MGAT4C: variants seen among roughly 807,000 people sequenced by gnomAD.
MGAT4C encodes the protein alpha-1,3-mannosyl-glycoprotein 4-beta-N-acetylglucosaminyltransferase C.
In MGAT4C, 19 loss-of-function variants were observed where a neutral mutation model predicts 40.1. The observed-to-expected ratio is 0.47, with a 90% CI of 0.33 to 0.70. The LOEUF (loss-of-function observed/expected upper bound fraction) is 0.70, where lower values mean the gene tolerates loss of function less well. MGAT4C is among the 30% of genes least tolerant of loss of function. The pLI is 0.02. For missense variants in MGAT4C, 491 were observed against 563.2 expected, an observed-to-expected ratio of 0.87 and a Z score of 1.30; for synonymous variants, 181 against 187.1, an observed-to-expected ratio of 0.97 and a Z score of 0.27.
At chr12:86,158,779 A>G (rs913193369) in intron 1 of MGAT4C, among the ~76,000 whole-genome samples, 1 of 152,186 alleles carries the variant, frequency 6.6e-6, no homozygotes, top group Admixed American at 6.5e-5. Flanking sequence ...ATTCCTAGAT[A>G]TCTGATCTGC....
chr12:85,962,420 AATT>A lies in MGAT4C; in HGVS notation c.*16866_*16868del, dbSNP rs1883160525. 1 of 147,870 alleles carries A rather than the reference AATT, an allele frequency of 6.8e-6. No individual in the cohort carries two copies. The highest frequency in any genetic ancestry group is 2.4e-5 in the African/African-American group (1 of 40,848). The allele number at this position is 147,870 out of a possible 1,614,324, so 9.2% of individuals were successfully genotyped here. On this transcript the variant is annotated 3_prime_UTR_variant, in exon 5 of 5. Coordinates refer to ENST00000611864, the MANE Select transcript of MGAT4C (RefSeq NM_001351288.2). ...TATATAATTAATTATATAATTATAT[AATT>A]ATATAAAATTTTATAATTAATTATA...
intron 1 of MGAT4C, among the ~76,000 whole-genome samples, chr12:86,151,252 C>T (rs530860872): frequency 4.1e-4 from 63 of 152,166 alleles, no homozygotes; most frequent in African/African-American, 1.5e-3. Context: ...CTGAGTTAAC[C>T]TTTTTCTGCC....
chr12:86,409,538 C>A (rs1302787125), intron 3 of MGAT4C, among the ~76,000 whole-genome samples: 1 of 152,132 alleles, frequency 6.6e-6, no homozygotes, highest in Non-Finnish European at 1.5e-5. Flanking sequence ...CAAAAGACAT[C>A]ACAACCTTAC....
At chr12:86,143,721 G>T (rs1883160684) in intron 1 of MGAT4C, among the ~76,000 whole-genome samples, 1 of 152,084 alleles carries the variant, frequency 6.6e-6, no homozygotes. Context: ...ACAGATACTT[G>T]AAAACTTGAG....
chr12:86,406,111 C>T (rs2136240668), intron 3 of MGAT4C, among the ~76,000 whole-genome samples: 1 of 146,960 alleles, frequency 6.8e-6, no homozygotes, highest in South Asian at 2.1e-4. Flanking sequence ...ACCTAGTAAA[C>T]AAAAATTAAC....
At chr12:86,538,708 T>C (rs1959118053) in intron 2 of MGAT4C, among the ~76,000 whole-genome samples, 2 of 151,046 alleles carry the variant, frequency 1.3e-5, no homozygotes, top group Admixed American at 6.6e-5. Context: ...CCCAGGTTCA[T>C]GCCATTCTCC....
chr12:86,292,313 T>C (rs1029419887), intron 4 of MGAT4C, among the ~76,000 whole-genome samples: 1 of 151,930 alleles, frequency 6.6e-6, no homozygotes, highest in South Asian at 2.1e-4. Flanking sequence ...ATATTTTAGA[T>C]ATATAGATAT....
rs143449252 is a variant in MGAT4C, at chr12:85,980,060, C to T, written c.666G>A (p.Met222Ile). 6.2e-7 allele frequency: 1 copy of T among 1,613,692 alleles called. No individual in the cohort carries two copies. Among genetic ancestry groups the T allele is most frequent in the Non-Finnish European group, 8.5e-7 (1 of 1,179,850 alleles). Residue 222 changes from methionine (M) to isoleucine (I), a missense_variant, in exon 5 of 5, where the codon ATG (methionine) becomes ATA (isoleucine). Coordinates refer to ENST00000611864, the MANE Select transcript of MGAT4C (RefSeq NM_001351288.2). ...FCANTSDYYV[M>I]LEDDVRCSKN... ...TTGAACATCGAACATCATCTTCAAGCATTACATAATAGTCTGAAGTATTGG... is the reference window on the plus strand; with the variant it reads ...TTGAACATCGAACATCATCTTCAAGTATTACATAATAGTCTGAAGTATTGG...
chr12:86,529,729 T>C (rs1395660755), intron 2 of MGAT4C, among the ~76,000 whole-genome samples: 1 of 151,996 alleles, frequency 6.6e-6, no homozygotes, highest in Non-Finnish European at 1.5e-5. Context: ...CTACAGATTA[T>C]TATTATTTTT....
chr12:86,132,265 A>C (rs2135714059), intron 1 of MGAT4C, among the ~76,000 whole-genome samples: 1 of 152,328 alleles, frequency 6.6e-6, no homozygotes, highest in Non-Finnish European at 1.5e-5. Flanking sequence ...TATGTGACTT[A>C]TAACAGAATG....
rs371573706 is a variant in MGAT4C, at chr12:85,956,718, C to G, written c.*22571G>C. On this transcript the variant is annotated 3_prime_UTR_variant, in exon 5 of 5. Transcript: ENST00000611864. ...CATAATTAGTCAATAAATCATGAGCCCAAAGTCTATCCTCAACCAATCTAA... is the reference window on the plus strand; with the variant it reads ...CATAATTAGTCAATAAATCATGAGCGCAAAGTCTATCCTCAACCAATCTAA... 7.7e-4 allele frequency: 117 copies of G among 152,182 alleles called. No homozygotes were observed. The highest frequency in any genetic ancestry group is 2.6e-3 in the African/African-American group (108 of 41,534). 9.4% of individuals were successfully genotyped at this position (152,182 alleles called of 1,614,324 possible).
In MGAT4C at chr12:86,617,689, C is replaced by CA. The variant is rs372620970; in HGVS notation, c.-229+109519dup. ...GAAGACAGAGCTAGACTCCGTCTCA[C>CA]AAAAAAATAATTGAAAAAAAAAAAA... is the stretch of plus-strand genomic sequence containing the variant. On this transcript the variant is annotated intron_variant, in intron 2 of 7. Transcript: ENST00000548651. Among the ~76,000 whole-genome samples the CA allele has an allele frequency of 6.0e-3, 760 of 126,960 alleles. 5 individuals carry two copies. The highest frequency in any genetic ancestry group is 0.022 in the African/African-American group (728 of 32,742). The allele number at this position is 126,960 out of a possible 152,430, so 83.3% of individuals were successfully genotyped here.
At chr12:86,502,759 TCA>T (rs1958376340) in intron 2 of MGAT4C, among the ~76,000 whole-genome samples, 3 of 64,956 alleles carry the variant, frequency 4.6e-5, no homozygotes, top group Non-Finnish European at 7.2e-5. Context: ...CGAGTTCTGC[TCA>T]TATATATGTA....
At position 85,970,285 on chromosome 12, in the gene MGAT4C, T is replaced by G. The variant is rs1293363717; in HGVS notation, c.*9004A>C. The G allele has an allele frequency of 1.3e-5, 2 of 151,280 alleles. No individual in the cohort carries two copies. Among genetic ancestry groups the G allele is most frequent in the Admixed American group, 1.3e-4 (2 of 15,142 alleles). 9.4% of individuals were successfully genotyped at this position (151,280 alleles called of 1,614,324 possible). The stretch of plus-strand genomic sequence containing the variant: ...AATATTGAATTATTTATATTCTTAT[T>G]TAGTCTAGTAGATTGACAGGCAGTT... On this transcript the variant is annotated 3_prime_UTR_variant, in exon 5 of 5. Transcript: ENST00000611864.
chr12:86,183,605 A>T (rs1262158116), intron 1 of MGAT4C, among the ~76,000 whole-genome samples: 1 of 152,182 alleles, frequency 6.6e-6, no homozygotes, highest in African/African-American at 2.4e-5. Context: ...TGGTGTAAAC[A>T]ACAGAAATTT....
chr12:86,064,188 A>T (rs1388198286), intron 1 of MGAT4C, among the ~76,000 whole-genome samples: 3 of 152,232 alleles, frequency 2.0e-5, no homozygotes, highest in Non-Finnish European at 1.5e-5. Flanking sequence ...AATGGAAATC[A>T]TAACAAACAG....
At chr12:86,079,825 T>C (rs1870492228) in intron 1 of MGAT4C, among the ~76,000 whole-genome samples, 1 of 151,980 alleles carries the variant, frequency 6.6e-6, no homozygotes, top group Non-Finnish European at 1.5e-5. Context: ...ACTAAAAATA[T>C]TCAAACATTA....
Position 86,548,125 on chromosome 12 carries a change from A to G in MGAT4C, c.-228-112860T>C, listed in dbSNP as rs999673579. 3.3e-5 allele frequency among the ~76,000 whole-genome samples: 5 copies of G among 152,084 alleles called. No individual in the cohort carries two copies. The South Asian group carries it at 1.0e-3, about 32-fold the overall frequency. On this transcript the variant is annotated intron_variant, in intron 2 of 7. Coordinates refer to the MGAT4C transcript ENST00000548651. Reference sequence around the variant, plus strand: ...TGTCTGTCTCCCACATTAGAAGCTAAATTCATGGAGGGTGGAGAACAGGAT... The same window carrying G: ...TGTCTGTCTCCCACATTAGAAGCTAGATTCATGGAGGGTGGAGAACAGGAT...
In MGAT4C at chr12:86,430,600, A is replaced by G. The variant is rs937720671; in HGVS notation, c.-120+4557T>C. The stretch of plus-strand genomic sequence containing the variant: ...GGCTATAAAGTGGAGTTGCTGGGTG[A>G]GTACTGTGATGGATTTTGAGGTCAG... On this transcript the variant is annotated intron_variant, in intron 3 of 7. Transcript: ENST00000548651. Among the ~76,000 whole-genome samples the G allele has an allele frequency of 1.1e-4, 16 of 152,068 alleles. 1 individual carries two copies. The highest frequency in any genetic ancestry group is 3.9e-4 in the African/African-American group (16 of 41,422).
Sources: allele counts gnomAD v4.1 joint callset (sites outside exome capture counted in the v4.1 genomes callset), GRCh38; gene constraint gnomAD v4.1.1; transcripts MANE v1.5; gene names NCBI Gene and HGNC (gene_info 2026-07-23, HGNC 2026-07-21).